PNPLA1: variants seen among roughly 807,000 people sequenced by gnomAD.
PNPLA1 encodes omega-hydroxyceramide transacylase.
In PNPLA1, 36 loss-of-function variants were observed where a neutral mutation model predicts 51.7. The ratio of observed to expected loss-of-function variants is 0.70; its 90% CI spans 0.53 to 0.92. The LOEUF (loss-of-function observed/expected upper bound fraction) is 0.92, where lower values mean the gene tolerates loss of function less well. PNPLA1 is among the 40% of genes least tolerant of loss of function. PNPLA1 has a pLI of 0.00. For synonymous variants in PNPLA1, 293 were observed against 280.1 expected (o/e 1.05, Z -0.46); for missense variants, 658 against 682.5 (o/e 0.96, Z 0.40).
intron 1 of PNPLA1, among the ~76,000 whole-genome samples, chr6:36,282,250 G>A (rs9380564): frequency 7.3e-6 from 1 of 137,870 alleles, no homozygotes; most frequent in Admixed American, 7.4e-5. Context: ...AAGAAAGAAG[G>A]AAAGAAAGAA....
intron 1 of PNPLA1, among the ~76,000 whole-genome samples, chr6:36,280,274 G>T (rs1225540448): frequency 1.3e-5 from 2 of 152,186 alleles, no homozygotes; most frequent in Non-Finnish European, 2.9e-5. Flanking sequence ...CATGGTAATT[G>T]TGAGCTCATC....
In PNPLA1 at chr6:36,300,355, C is replaced by T. The variant is rs959954591; in HGVS notation, c.776-1506C>T. Among the ~76,000 whole-genome samples, 4 of 151,566 alleles carry T rather than the reference C, an allele frequency of 2.6e-5. No individual in the cohort carries two copies. The South Asian group carries it at 6.3e-4, about 24-fold the overall frequency. On this transcript the variant is annotated intron_variant, in intron 5 of 8. Coordinates refer to ENST00000636260, the MANE Select transcript of PNPLA1 (RefSeq NM_001374623.1). ...GGCTACAGGTGCATGCCACTACCCC[C>T]GGCTAATTTTTTGTATTTTTAGTAG...
At chr6:36,271,633 C>T (rs529954885) in intron 1 of PNPLA1, among the ~76,000 whole-genome samples, 1 of 152,208 alleles carries the variant, frequency 6.6e-6, no homozygotes, top group Non-Finnish European at 1.5e-5. Flanking sequence ...GAGGAGGTGA[C>T]ATTCAAGCCT....
chr6:36,282,918 C>T (rs914514856), intron 1 of PNPLA1, among the ~76,000 whole-genome samples: 6 of 152,104 alleles, frequency 3.9e-5, no homozygotes, highest in Admixed American at 1.3e-4. Context: ...CCCCTGACCT[C>T]GTGATCTGCC....
intron 8 of PNPLA1, among the ~76,000 whole-genome samples, chr6:36,309,111 A>G (rs1009844957): frequency 1.3e-5 from 2 of 152,204 alleles, no homozygotes; most frequent in Admixed American, 1.3e-4. Flanking sequence ...GACAAGGGTC[A>G]GAGGCTCACC....
At chr6:36,244,316 A>G (rs563579922) in intron 1 of PNPLA1, among the ~76,000 whole-genome samples, 86 of 152,310 alleles carry the variant, frequency 5.6e-4, no homozygotes, top group Non-Finnish European at 1.0e-3. Flanking sequence ...CAATTCATAT[A>G]TAAATGAGTA....
In PNPLA1 at chr6:36,313,597, G is replaced by T. The variant is rs1323600844; in HGVS notation, c.*1711G>T. Among the ~76,000 whole-genome samples the T allele has an allele frequency of 6.6e-6, 1 of 152,198 alleles. No homozygotes were observed. The highest frequency in any genetic ancestry group is 1.5e-5 in the Non-Finnish European group (1 of 68,036). On this transcript the variant is annotated 3_prime_UTR_variant, in exon 9 of 9. Transcript: ENST00000636260. ...ATGTACTTTTGAGACCCTGAAAATG[G>T]TCAAAGTCCCAGGGGTCTTGCATCC...
At chr6:36,280,552 GC>G (rs1358669139) in intron 1 of PNPLA1, among the ~76,000 whole-genome samples, 1 of 152,136 alleles carries the variant, frequency 6.6e-6, no homozygotes, top group African/African-American at 2.4e-5. Context: ...CCTTGTAATA[GC>G]CCAGCAGCCT....
At chr6:36,269,921 G>A (rs552371939), upstream of PNPLA1, among the ~76,000 whole-genome samples, 16 of 152,200 alleles carry the variant, frequency 1.1e-4, no homozygotes, top group Non-Finnish European at 2.1e-4. Flanking sequence ...GGTAGGCACC[G>A]TCCTCCTGGA....
At chr6:36,255,692 A>T (rs1017874114) in intron 1 of PNPLA1, among the ~76,000 whole-genome samples, 10 of 152,184 alleles carry the variant, frequency 6.6e-5, no homozygotes, top group African/African-American at 2.2e-4. Context: ...CGTCTAAAAA[A>T]AAAAAAAAAT....
chr6:36,292,994 T>C, intron 2 of PNPLA1, 67 bp from the exon 3 acceptor site: 1 of 1,414,672 alleles, frequency 7.1e-7, no homozygotes. Flanking sequence ...GCCCAGGGGC[T>C]GACAGGTGAG....
intron 1 of PNPLA1, among the ~76,000 whole-genome samples, chr6:36,249,644 G>A (rs1769379250): frequency 6.6e-6 from 1 of 152,192 alleles, no homozygotes; most frequent in South Asian, 2.1e-4. Flanking sequence ...CGTAAGTGAA[G>A]GATTTGTGTA....
intron 1 of PNPLA1, among the ~76,000 whole-genome samples, chr6:36,287,956 A>G (rs1020764807): frequency 6.6e-6 from 1 of 152,072 alleles, no homozygotes; most frequent in Admixed American, 6.5e-5. Flanking sequence ...AGATAGCACC[A>G]TTTTCAGATG....
chr6:36,276,726 G>A (rs924005258), intron 1 of PNPLA1, among the ~76,000 whole-genome samples: 4 of 151,884 alleles, frequency 2.6e-5, no homozygotes, highest in Non-Finnish European at 4.4e-5. Flanking sequence ...CAATCTGTCC[G>A]TCCCTTCGTT....
rs540745560 is a variant in PNPLA1, at chr6:36,261,031, G to A, written c.-81+17770G>A. On this transcript the variant is annotated intron_variant, in intron 1 of 7. Transcript: ENST00000312917. ...TTTTGTAGAGATGAGGTTTTGCCAT[G>A]TCCCCCAGGCTGGCTTTGAACGGCT... is the stretch of plus-strand genomic sequence containing the variant. Among the ~76,000 whole-genome samples the A allele has an allele frequency of 2.6e-5, 4 of 152,250 alleles. No homozygotes were observed. The South Asian group carries it at 8.3e-4, about 32-fold the overall frequency.
At chr6:36,301,660 G>A (rs772301039) in intron 5 of PNPLA1, among the ~76,000 whole-genome samples, 4 of 152,126 alleles carry the variant, frequency 2.6e-5, no homozygotes, top group Admixed American at 6.6e-5. Flanking sequence ...TAATTTGGGT[G>A]GGCAACGCCT....
intron 1 of PNPLA1, among the ~76,000 whole-genome samples, chr6:36,261,824 T>C (rs1452970302): frequency 2.0e-5 from 3 of 152,152 alleles, no homozygotes; most frequent in African/African-American, 7.2e-5. Flanking sequence ...ACAGCTGGAC[T>C]CCCTAAGTGG....
intron 1 of PNPLA1, among the ~76,000 whole-genome samples, chr6:36,289,018 T>A (rs1025312762): frequency 6.6e-6 from 1 of 152,232 alleles, no homozygotes; most frequent in African/African-American, 2.4e-5. Context: ...AAATAGTGTG[T>A]ATTATATGAC....
rs1771426821 is a variant in PNPLA1 at position 36,312,402 on chromosome 6, A to G, written c.*516A>G. On this transcript the variant is annotated 3_prime_UTR_variant, in exon 9 of 9. Coordinates refer to ENST00000636260, the MANE Select transcript of PNPLA1 (RefSeq NM_001374623.1). ...CCCTGTGTAATGAAATGAACCCCCT[A>G]ACTGGCTTTTGGTGTAGCTTGAGAT... Among the ~76,000 whole-genome samples the G allele has an allele frequency of 6.6e-6, 1 of 152,174 alleles. No homozygotes were observed. The highest frequency in any genetic ancestry group is 1.5e-5 in the Non-Finnish European group (1 of 68,026).
Sources: gnomAD v4.1 joint callset for allele counts (sites outside exome capture counted in the v4.1 genomes callset) on GRCh38, gnomAD v4.1.1 for gene constraint, MANE v1.5 for transcripts, NCBI Gene and HGNC (gene_info 2026-07-23, HGNC 2026-07-21) for gene names.